The following IL1RAPL2 variants were observed in gnomAD, a reference collection of about 807,000 sequenced individuals.
The protein encoded by IL1RAPL2 is interleukin 1 receptor accessory protein like 2.
In IL1RAPL2, 3 loss-of-function variants were observed where a neutral mutation model predicts 44.1. That is an observed-to-expected ratio of 0.07 (90% CI 0.03 to 0.18). IL1RAPL2 has a LOEUF of 0.18. Ranked by LOEUF, IL1RAPL2 falls within the 10% of genes least tolerant of loss-of-function variation. The pLI, the probability that IL1RAPL2 is intolerant of heterozygous loss-of-function variation, is 1.00. For synonymous variants in IL1RAPL2, 181 were observed against 178.8 expected (o/e 1.01, Z -0.10); for missense variants, 391 against 496.4 (o/e 0.79, Z 2.02).
chrX:105,237,064 C>G (rs1165719755), intron 4 of IL1RAPL2, among the ~76,000 whole-genome samples: 1 of 111,039 alleles, frequency 9.0e-6, no homozygotes, highest in Admixed American at 9.7e-5. Context: ...TCTCATTGTT[C>G]AATTCCCACC....
At chrX:104,735,886 G>A (rs917765898) in intron 2 of IL1RAPL2, among the ~76,000 whole-genome samples, 2 of 111,414 alleles carry the variant, frequency 1.8e-5, no homozygotes, top group Admixed American at 1.9e-4. Context: ...GCAGTGATTT[G>A]TGCTCTCTGC....
chrX:105,032,568 T>C (rs55676614), intron 2 of IL1RAPL2, among the ~76,000 whole-genome samples: 2,007 of 112,216 alleles, frequency 0.018, 53 homozygotes, highest in African/African-American at 0.062. Context: ...AGTTCTAGTT[T>C]AATTGCACTG....
Position 105,321,899 on chromosome X carries a change from T to A in IL1RAPL2, c.697+54358T>A, listed in dbSNP as rs781252851. On this transcript the variant is annotated intron_variant, in intron 5 of 10. Transcript: ENST00000372582. ...TAACCAACACAGGGTCTCTGACTGG[T>A]AATAACAATGGATTTTAAACACTTA... 7.1e-5 allele frequency among the ~76,000 whole-genome samples: 8 copies of A among 112,904 alleles called. No individual in the cohort carries two copies. The South Asian group carries it at 1.4e-3, about 20-fold the overall frequency.
intron 6 of IL1RAPL2, among the ~76,000 whole-genome samples, chrX:105,716,005 C>T (rs1175098933): frequency 9.0e-6 from 1 of 111,606 alleles, no homozygotes; most frequent in African/African-American, 3.3e-5. Context: ...TAGAAGCAAC[C>T]TTGGAACTTC....
In IL1RAPL2 at chrX:104,890,169, G is replaced by T. The variant is rs904543213; in HGVS notation, c.82+231174G>T. 3.6e-5 allele frequency among the ~76,000 whole-genome samples: 4 copies of T among 112,065 alleles called. No homozygotes were observed. In the East Asian group the frequency reaches 1.1e-3, roughly 31 times the overall value. ...CTGCATAGTATACTGTGGTGTATAT[G>T]TCCCACATTTTCTTAATCCAGTCTA... is the stretch of plus-strand genomic sequence containing the variant. On this transcript the variant is annotated intron_variant, in intron 2 of 10. Coordinates refer to ENST00000372582, the MANE Select transcript of IL1RAPL2 (RefSeq NM_017416.2).
At chrX:105,071,652 G>A (rs1338174694) in intron 2 of IL1RAPL2, among the ~76,000 whole-genome samples, 4 of 111,983 alleles carry the variant, frequency 3.6e-5, no homozygotes, top group South Asian at 3.7e-4. Context: ...AAATAGCATG[G>A]TAGCAGCATA....
chrX:105,422,368 C>A (rs187989690), intron 5 of IL1RAPL2, among the ~76,000 whole-genome samples: 1 of 111,759 alleles, frequency 8.9e-6, no homozygotes, highest in African/African-American at 3.2e-5. Flanking sequence ...GGTATAAAGT[C>A]AGTTTTCCCA....
chrX:105,009,344 C>G (rs1364548691), intron 2 of IL1RAPL2, among the ~76,000 whole-genome samples: 2 of 109,890 alleles, frequency 1.8e-5, no homozygotes, highest in Non-Finnish European at 3.8e-5. Flanking sequence ...GACTTGGAAC[C>G]AACCCAAATG....
chrX:105,178,209 T>C (rs1242931656), intron 2 of IL1RAPL2, among the ~76,000 whole-genome samples: 1 of 111,118 alleles, frequency 9.0e-6, no homozygotes, highest in Non-Finnish European at 1.9e-5. Flanking sequence ...TAGCTCCCAA[T>C]AGGAGTGAGA....
intron 6 of IL1RAPL2, among the ~76,000 whole-genome samples, chrX:105,630,602 T>G (rs1768169892): frequency 9.2e-6 from 1 of 109,026 alleles, no homozygotes; most frequent in Non-Finnish European, 1.9e-5. Flanking sequence ...TGTTGAAGAT[T>G]CGATCTGTGC....
chrX:105,524,533 A>G (rs2036582494), intron 6 of IL1RAPL2, among the ~76,000 whole-genome samples: 1 of 109,736 alleles, frequency 9.1e-6, no homozygotes, highest in Non-Finnish European at 1.9e-5. Flanking sequence ...CTAAGAACTT[A>G]TTTACTGCAA....
At chrX:104,806,044 G>T (rs1340183186) in intron 2 of IL1RAPL2, among the ~76,000 whole-genome samples, 1 of 112,006 alleles carries the variant, frequency 8.9e-6, no homozygotes, top group African/African-American at 3.2e-5. Context: ...TGGTTCAATT[G>T]ATCTGGGATG....
chrX:105,625,623 C>G (rs1389431997), intron 6 of IL1RAPL2, among the ~76,000 whole-genome samples: 1 of 111,651 alleles, frequency 9.0e-6, no homozygotes, highest in Admixed American at 9.5e-5. Flanking sequence ...TCTTTCCTTA[C>G]TATCCACTCT....
At chrX:105,553,706 TGTACA>T (rs1408470419) in intron 6 of IL1RAPL2, among the ~76,000 whole-genome samples, 12 of 112,327 alleles carry the variant, frequency 1.1e-4, no homozygotes, top group Non-Finnish European at 2.3e-4. Context: ...AAACGTTTCA[TGTACA>T]GTATAGAGAA....
At chrX:104,641,482 G>T (rs1327141594) in intron 1 of IL1RAPL2, among the ~76,000 whole-genome samples, 1 of 112,000 alleles carries the variant, frequency 8.9e-6, no homozygotes, top group Non-Finnish European at 1.9e-5. Context: ...ACTGGAGAGG[G>T]TGGGACTGTC....
chrX:105,405,300 G>A (rs1277935567), intron 5 of IL1RAPL2, among the ~76,000 whole-genome samples: 1 of 111,054 alleles, frequency 9.0e-6, no homozygotes, highest in Non-Finnish European at 1.9e-5. Flanking sequence ...ATTTGATTTG[G>A]TAACATAAGA....
chrX:105,112,139 T>A (rs928016736), intron 2 of IL1RAPL2, among the ~76,000 whole-genome samples: 1 of 111,894 alleles, frequency 8.9e-6, no homozygotes, highest in Non-Finnish European at 1.9e-5. Flanking sequence ...AACACCCTTT[T>A]CTGAAGCATA....
chrX:105,507,199 C>G (rs1242395421), intron 6 of IL1RAPL2, among the ~76,000 whole-genome samples: 3 of 111,616 alleles, frequency 2.7e-5, no homozygotes, highest in Non-Finnish European at 3.8e-5. Context: ...CTTACTCTGT[C>G]AAGAGAATGA....
chrX:105,040,610 G>T (rs1215683923), intron 2 of IL1RAPL2, among the ~76,000 whole-genome samples: 2 of 110,178 alleles, frequency 1.8e-5, no homozygotes, highest in Non-Finnish European at 3.8e-5. Context: ...TTAGTCCTGG[G>T]AGAGTGTATG....
Sources: allele counts gnomAD v4.1 joint callset (sites outside exome capture counted in the v4.1 genomes callset), GRCh38; gene constraint gnomAD v4.1.1; transcripts MANE v1.5; gene names NCBI Gene and HGNC (gene_info 2026-07-23, HGNC 2026-07-21).